The following LRRTM4 variants were observed in gnomAD, a reference collection of about 807,000 sequenced individuals.
LRRTM4 encodes leucine rich repeat transmembrane neuronal 4.
LRRTM4 carries 25 observed loss-of-function variants against 47.6 expected under a neutral mutation model. The observed-to-expected ratio is 0.53, with a 90% confidence interval of 0.38 to 0.73. The LOEUF (loss-of-function observed/expected upper bound fraction) is 0.73. LRRTM4 is among the 30% of genes least tolerant of loss of function. The pLI, the probability that LRRTM4 is intolerant of heterozygous loss-of-function variation, is 0.00. For synonymous variants in LRRTM4, 311 were observed against 269.5 expected, an observed-to-expected ratio of 1.15 and a Z score of -1.51; for missense variants, 638 against 713.4, an observed-to-expected ratio of 0.89 and a Z score of 1.20.
chr2:77,114,159 T>G (rs1029921678), intron 3 of LRRTM4, among the ~76,000 whole-genome samples: 1 of 152,132 alleles, frequency 6.6e-6, no homozygotes, highest in East Asian at 1.9e-4. Context: ...GTCACGGGAT[T>G]GCTATGTCAT....
At chr2:77,062,184 T>C (rs1679808746) in intron 3 of LRRTM4, among the ~76,000 whole-genome samples, 1 of 152,144 alleles carries the variant, frequency 6.6e-6, no homozygotes, top group Non-Finnish European at 1.5e-5. Context: ...CATATTTACA[T>C]TATTGGACAC....
chr2:77,048,694 C>T (rs1432037775), intron 3 of LRRTM4, among the ~76,000 whole-genome samples: 1 of 150,944 alleles, frequency 6.6e-6, no homozygotes, highest in Non-Finnish European at 1.5e-5. Context: ...TATTTTGATA[C>T]ATGCATACCA....
chr2:77,407,688 TAATATATGA>T (rs1386314947), intron 3 of LRRTM4, among the ~76,000 whole-genome samples: 9 of 137,544 alleles, frequency 6.5e-5, no homozygotes, highest in African/African-American at 8.6e-5. Context: ...ATATTTAATA[TAATATATGA>T]TATATATAAT....
chr2:76,857,627 T>G (rs368353166), intron 3 of LRRTM4, among the ~76,000 whole-genome samples: 36 of 152,254 alleles, frequency 2.4e-4, no homozygotes, highest in African/African-American at 8.4e-4. Context: ...TCTTTCGTAT[T>G]TCAGTTACCA....
At chr2:76,790,335 G>A (rs964524355) in intron 3 of LRRTM4, among the ~76,000 whole-genome samples, 2 of 151,844 alleles carry the variant, frequency 1.3e-5, no homozygotes, top group African/African-American at 4.8e-5. Context: ...TTTTGCCTCT[G>A]AATAAAGAAA....
chr2:76,967,814 CT>C (rs74587692), intron 3 of LRRTM4, among the ~76,000 whole-genome samples: 17 of 147,552 alleles, frequency 1.2e-4, no homozygotes, highest in East Asian at 4.0e-4. Flanking sequence ...TTTTGCTTTG[CT>C]TTTTTTTTTA....
At chr2:77,441,647 A>G (rs1675846421) in intron 3 of LRRTM4, among the ~76,000 whole-genome samples, 1 of 152,210 alleles carries the variant, frequency 6.6e-6, no homozygotes, top group Non-Finnish European at 1.5e-5. Context: ...GCAAAGATGT[A>G]TCATAGTTCT....
intron 3 of LRRTM4, among the ~76,000 whole-genome samples, chr2:77,318,099 C>T (rs1022909725): frequency 1.2e-4 from 18 of 150,682 alleles, no homozygotes; most frequent in African/African-American, 4.2e-4. Context: ...CTCCGCCTCC[C>T]AGGTTCACGC....
At chr2:77,477,077 T>C (rs78452724) in intron 3 of LRRTM4, among the ~76,000 whole-genome samples, 2,354 of 150,614 alleles carry the variant, frequency 0.016, 59 homozygotes, top group East Asian at 0.13. Context: ...AATAGAAAAA[T>C]AAAAGGAGGA....
intron 3 of LRRTM4, among the ~76,000 whole-genome samples, chr2:77,189,120 A>G (rs956604208): frequency 3.4e-4 from 51 of 151,850 alleles, no homozygotes; most frequent in Admixed American, 7.9e-4. Flanking sequence ...TAAAAAAAAA[A>G]CTTTTGATCA....
chr2:77,350,374 A>C (rs1671723170), intron 3 of LRRTM4, among the ~76,000 whole-genome samples: 1 of 149,192 alleles, frequency 6.7e-6, no homozygotes, highest in Admixed American at 6.7e-5. Flanking sequence ...GAAATTGGAA[A>C]TGCTGAGGTG....
chr2:76,923,254 A>G (rs1674489176), intron 3 of LRRTM4, among the ~76,000 whole-genome samples: 1 of 152,146 alleles, frequency 6.6e-6, no homozygotes, highest in South Asian at 2.1e-4. Context: ...ACGTTTGTCT[A>G]AAGTTCATGA....
chr2:76,836,600 T>G (rs954276130), intron 3 of LRRTM4, among the ~76,000 whole-genome samples: 10 of 151,994 alleles, frequency 6.6e-5, no homozygotes, highest in African/African-American at 2.4e-4. Context: ...CAACAAAGAC[T>G]GTGCTACATG....
Position 76,966,381 on chromosome 2 carries a change from A to G in LRRTM4, c.1552-217465T>C, listed in dbSNP as rs140540074. Among the ~76,000 whole-genome samples, 1,136 of 151,450 alleles carry G rather than the reference A, an allele frequency of 7.5e-3. 14 individuals carry two copies. The highest frequency in any genetic ancestry group is 0.026 in the African/African-American group (1,060 of 41,460). ...AGCAAGAAGGGGGTTAGGAGTAATT[A>G]CATGTATTTTTTGGTCTGTTGTGTG... On this transcript the variant is annotated intron_variant, in intron 3 of 3. Coordinates refer to ENST00000409884, the MANE Select transcript of LRRTM4 (RefSeq NM_001134745.3).
intron 3 of LRRTM4, among the ~76,000 whole-genome samples, chr2:76,995,112 T>G (rs1412208111): frequency 6.6e-6 from 1 of 152,012 alleles, no homozygotes; most frequent in African/African-American, 2.4e-5. Context: ...TGAAGTGTGC[T>G]CTGTAGAACT....
At chr2:76,831,825 T>G (rs946893509) in intron 3 of LRRTM4, among the ~76,000 whole-genome samples, 2 of 152,098 alleles carry the variant, frequency 1.3e-5, no homozygotes, top group Admixed American at 6.6e-5. Context: ...AAAAAAATTG[T>G]ATGTTTATAT....
chr2:76,971,618 A>G (rs1173065758), intron 3 of LRRTM4, among the ~76,000 whole-genome samples: 1 of 152,058 alleles, frequency 6.6e-6, no homozygotes, highest in Admixed American at 6.6e-5. Context: ...TTGTTGGAGC[A>G]ATATTGGAGC....
intron 3 of LRRTM4, among the ~76,000 whole-genome samples, chr2:76,816,076 C>A (rs1032884099): frequency 6.6e-6 from 1 of 152,002 alleles, no homozygotes; most frequent in Non-Finnish European, 1.5e-5. Flanking sequence ...TGGGGGAGAT[C>A]AAATTCACAA....
intron 3 of LRRTM4, among the ~76,000 whole-genome samples, chr2:77,497,087 A>G (rs1678391627): frequency 6.6e-6 from 1 of 151,680 alleles, no homozygotes; most frequent in South Asian, 2.1e-4. Flanking sequence ...CTGCAAAAAG[A>G]TGTTTATTAT....
Sources: gnomAD v4.1 joint callset for allele counts (sites outside exome capture counted in the v4.1 genomes callset) on GRCh38, gnomAD v4.1.1 for gene constraint, MANE v1.5 for transcripts, NCBI Gene and HGNC (gene_info 2026-07-23, HGNC 2026-07-21) for gene names.